PTPRD: variants seen among roughly 807,000 people sequenced by gnomAD.
PTPRD encodes protein tyrosine phosphatase receptor type D, also known as receptor-type tyrosine-protein phosphatase delta.
PTPRD carries 34 observed loss-of-function variants against 214.5 expected under a neutral mutation model. The observed-to-expected ratio is 0.16, with a 90% CI of 0.12 to 0.21. PTPRD has a LOEUF of 0.21. Ranked by LOEUF, PTPRD falls within the 10% of genes least tolerant of loss-of-function variation. PTPRD has a pLI of 1.00. For missense variants in PTPRD, 2,545 were observed against 2,398.7 expected (o/e 1.06, Z -1.27); for synonymous variants, 1,128 against 845.7 (o/e 1.33, Z -5.79).
chr9:9,110,520 C>T (rs1320115878), intron 10 of PTPRD, among the ~76,000 whole-genome samples: 4 of 152,122 alleles, frequency 2.6e-5, no homozygotes, highest in Non-Finnish European at 4.4e-5. Flanking sequence ...CTCTTCTTCT[C>T]CACTCTTGCT....
intron 36 of PTPRD, among the ~76,000 whole-genome samples, chr9:8,394,127 G>C (rs1398247571): frequency 2.0e-5 from 3 of 151,852 alleles, no homozygotes; most frequent in Non-Finnish European, 2.9e-5. Context: ...AAATGAGCCT[G>C]GATACAGACT....
At chr9:8,932,421 G>C (rs996162028) in intron 11 of PTPRD, among the ~76,000 whole-genome samples, 1 of 152,154 alleles carries the variant, frequency 6.6e-6, no homozygotes, top group Non-Finnish European at 1.5e-5. Context: ...TATTTACCCA[G>C]TAGTCATTCA....
At chr9:8,904,002 T>C (rs1341437140) in intron 11 of PTPRD, among the ~76,000 whole-genome samples, 2 of 152,198 alleles carry the variant, frequency 1.3e-5, no homozygotes, top group East Asian at 3.8e-4. Context: ...ATATTATGAT[T>C]CGATTATTTA....
intron 5 of PTPRD, among the ~76,000 whole-genome samples, chr9:9,821,692 T>C (rs1005764828): frequency 2.6e-5 from 4 of 152,004 alleles, no homozygotes; most frequent in Non-Finnish European, 5.9e-5. Flanking sequence ...TGTAGCATTA[T>C]CAATAGCCCT....
At chr9:8,652,743 T>C (rs1437545268) in intron 12 of PTPRD, among the ~76,000 whole-genome samples, 2 of 152,150 alleles carry the variant, frequency 1.3e-5, no homozygotes, top group Non-Finnish European at 2.9e-5. Flanking sequence ...ATCCCAAGTG[T>C]TTTTTTAGTG....
At chr9:9,369,255 T>A (rs1040541683) in intron 9 of PTPRD, among the ~76,000 whole-genome samples, 1 of 152,096 alleles carries the variant, frequency 6.6e-6, no homozygotes, top group African/African-American at 2.4e-5. Flanking sequence ...TTTCTCCACA[T>A]CCTCTCCAGC....
At chr9:10,374,083 T>A (rs1209305216) in intron 2 of PTPRD, among the ~76,000 whole-genome samples, 1 of 152,176 alleles carries the variant, frequency 6.6e-6, no homozygotes, top group South Asian at 2.1e-4. Flanking sequence ...ATAAAGTAGT[T>A]ATGTATAAGT....
chr9:8,927,270 T>C (rs1187220703), intron 11 of PTPRD, among the ~76,000 whole-genome samples: 1 of 152,146 alleles, frequency 6.6e-6, no homozygotes, highest in Admixed American at 6.6e-5. Flanking sequence ...ATGTGCAGAA[T>C]GTGCAGGCTT....
chr9:9,845,053 T>G (rs1242959522), intron 5 of PTPRD, among the ~76,000 whole-genome samples: 2 of 56,732 alleles, frequency 3.5e-5, no homozygotes, highest in Admixed American at 4.8e-4. Flanking sequence ...TAGCTATATA[T>G]AGAGCAATAT....
intron 11 of PTPRD, among the ~76,000 whole-genome samples, chr9:8,979,628 A>C (rs539750141): frequency 3.9e-5 from 6 of 152,156 alleles, no homozygotes; most frequent in Non-Finnish European, 8.8e-5. Flanking sequence ...CAACAATTAT[A>C]TGAAAAGTTG....
intron 9 of PTPRD, among the ~76,000 whole-genome samples, chr9:9,305,831 G>T (rs1006026876): frequency 3.3e-5 from 5 of 152,146 alleles, no homozygotes; most frequent in Admixed American, 2.0e-4. Flanking sequence ...AGAGATTAAA[G>T]TGAGGCAGCT....
At chr9:9,596,079 C>T (rs1010434849) in intron 7 of PTPRD, among the ~76,000 whole-genome samples, 1 of 151,928 alleles carries the variant, frequency 6.6e-6, no homozygotes, top group Non-Finnish European at 1.5e-5. Flanking sequence ...AAAATATATT[C>T]ACTTAGATAT....
chr9:9,734,267 T>A (rs10977936), intron 7 of PTPRD, among the ~76,000 whole-genome samples: 1 of 152,000 alleles, frequency 6.6e-6, no homozygotes, highest in Non-Finnish European at 1.5e-5. Context: ...TTTAATTTCC[T>A]TAAGAAACAA....
chr9:10,034,407 C>CTTTTTT (rs56827836), intron 3 of PTPRD, among the ~76,000 whole-genome samples: 7 of 89,514 alleles, frequency 7.8e-5, no homozygotes, highest in Admixed American at 2.6e-4. Flanking sequence ...CCTGGCTCTA[C>CTTTTTT]TTTTTTTTTT....
At chr9:10,274,855 A>G (rs924032569) in intron 3 of PTPRD, among the ~76,000 whole-genome samples, 15 of 152,162 alleles carry the variant, frequency 9.9e-5, no homozygotes, top group African/African-American at 3.6e-4. Flanking sequence ...GGATCTAGAC[A>G]GCAGCAATGG....
intron 10 of PTPRD, among the ~76,000 whole-genome samples, chr9:9,039,720 G>C (rs1042503141): frequency 1.3e-5 from 2 of 152,164 alleles, no homozygotes; most frequent in African/African-American, 4.8e-5. Context: ...ACAATATTTT[G>C]ACTCAATGTT....
At chr9:9,471,313 C>T (rs933144245) in intron 8 of PTPRD, among the ~76,000 whole-genome samples, 11 of 152,116 alleles carry the variant, frequency 7.2e-5, no homozygotes, top group African/African-American at 2.7e-4. Flanking sequence ...GATATTTCTT[C>T]TAGCTGAACT....
At chr9:9,306,103 G>T (rs545986455) in intron 9 of PTPRD, among the ~76,000 whole-genome samples, 2 of 152,246 alleles carry the variant, frequency 1.3e-5, no homozygotes, top group East Asian at 3.9e-4. Flanking sequence ...GAAATATGAA[G>T]ATAAGAACCC....
chr9:10,520,031 T>G (rs2134150710), intron 2 of PTPRD, among the ~76,000 whole-genome samples: 1 of 152,160 alleles, frequency 6.6e-6, no homozygotes, highest in Non-Finnish European at 1.5e-5. Context: ...AACAATGGCC[T>G]CTAAGTATTC....
Sources: gnomAD v4.1 joint callset for allele counts (sites outside exome capture counted in the v4.1 genomes callset) on GRCh38, gnomAD v4.1.1 for gene constraint, MANE v1.5 for transcripts, NCBI Gene and HGNC (gene_info 2026-07-23, HGNC 2026-07-21) for gene names.